The following TTC7A variants were observed in gnomAD, a reference collection of about 807,000 sequenced individuals.
TTC7A encodes the protein tetratricopeptide repeat protein 7A.
TTC7A carries 110 observed loss-of-function variants against 103.7 expected under a neutral mutation model. That is an observed-to-expected ratio of 1.06 (90% CI 0.91 to 1.24). The LOEUF (loss-of-function observed/expected upper bound fraction) is 1.24, where lower values mean the gene tolerates loss of function less well. Among genes scored for constraint, TTC7A ranks in the 50% most tolerant of loss-of-function variants. The pLI is 0.00. For synonymous variants in TTC7A, 521 were observed against 467.9 expected, an observed-to-expected ratio of 1.11 and a Z score of -1.47; for missense variants, 1,340 against 1,116.3, an observed-to-expected ratio of 1.20 and a Z score of -2.86.
At chr2:47,010,849 G>A (rs780878654) in intron 10 of TTC7A, among the ~76,000 whole-genome samples, 4 of 152,040 alleles carry the variant, frequency 2.6e-5, no homozygotes, top group Non-Finnish European at 4.4e-5. Context: ...ATGGACACAC[G>A]CCTCCACACC....
chr2:46,996,308 G>A (rs1057344526), intron 8 of TTC7A, among the ~76,000 whole-genome samples: 5 of 152,202 alleles, frequency 3.3e-5, no homozygotes, highest in African/African-American at 9.7e-5. Flanking sequence ...ATCAGAGCTG[G>A]TGAGCTGGGA....
At chr2:46,964,850 T>G (rs991692254) in intron 3 of TTC7A, among the ~76,000 whole-genome samples, 1 of 152,168 alleles carries the variant, frequency 6.6e-6, no homozygotes, top group Non-Finnish European at 1.5e-5. Context: ...CATTCTACCT[T>G]GAGCCTGGCA....
intron 15 of TTC7A, among the ~76,000 whole-genome samples, chr2:47,030,277 C>CAAAGGATTAGGAAA (rs1466720264): frequency 6.6e-6 from 1 of 152,208 alleles, no homozygotes; most frequent in Admixed American, 6.5e-5. Flanking sequence ...AACAGGTTCA[C>CAAAGGATTAGGAAA]AAAGGATTAG....
chr2:46,951,613 G>T, intron 2 of TTC7A: 1 of 455,568 alleles, frequency 2.2e-6, no homozygotes, highest in Non-Finnish European at 4.4e-6. Flanking sequence ...GTCTCGCTGT[G>T]TTACTCAGGC....
intron 15 of TTC7A, among the ~76,000 whole-genome samples, chr2:47,033,939 C>T (rs1017893224): frequency 4.6e-5 from 7 of 152,166 alleles, no homozygotes; most frequent in South Asian, 2.1e-4. Context: ...CACAAGAAGT[C>T]GCCACTCCCA....
At chr2:46,969,868 A>C (rs1016918903) in intron 3 of TTC7A, among the ~76,000 whole-genome samples, 5 of 152,144 alleles carry the variant, frequency 3.3e-5, no homozygotes, top group African/African-American at 1.2e-4. Context: ...ATGGGTAGAG[A>C]GGATGATGAC....
At chr2:46,971,713 T>C (rs1375503787) in intron 3 of TTC7A, among the ~76,000 whole-genome samples, 8 of 151,822 alleles carry the variant, frequency 5.3e-5, no homozygotes, top group Non-Finnish European at 1.5e-5. Flanking sequence ...TAGGTGGATG[T>C]TGGGGCTTAT....
intron 19 of TTC7A, among the ~76,000 whole-genome samples, chr2:47,062,512 T>TGA (rs1683873076): frequency 6.6e-6 from 1 of 152,204 alleles, no homozygotes; most frequent in Non-Finnish European, 1.5e-5. Context: ...ATTAGCTTCT[T>TGA]TGATAAATGC....
chr2:46,937,395 A>G (rs541780618), upstream of TTC7A, among the ~76,000 whole-genome samples: 90 of 152,234 alleles, frequency 5.9e-4, no homozygotes, highest in African/African-American at 2.0e-3. The surrounding 1 kb of genome is among the most constrained non-coding windows in gnomAD (Gnocchi z 4.0). Context: ...GAAAAAAAAA[A>G]TCTCTATGGT....
At chr2:46,922,411 T>C (rs2103807517) in intron 2 of TTC7A, among the ~76,000 whole-genome samples, 1 of 152,336 alleles carries the variant, frequency 6.6e-6, no homozygotes, top group Admixed American at 6.5e-5. Flanking sequence ...TGTTTGCTTC[T>C]ATCTGCCTGC....
In TTC7A at chr2:47,024,305, C is replaced by T. The variant is rs923163927; in HGVS notation, c.1587C>T (p.Pro529=). 1.1e-5 allele frequency: 17 copies of T among 1,607,638 alleles called. No homozygotes were observed. The highest frequency in any genetic ancestry group is 1.3e-5 in the African/African-American group (1 of 74,564). Residue 529 remains proline, a synonymous_variant, in exon 14 of 20, where the codon CCC becomes CCT. Transcript: ENST00000319190. The part of the protein sequence containing the change: ...QTLERAQQLA[P]SDPQVILYVS... Reference sequence around the variant, plus strand: ...CACACAGGGCTCAGCAGCTGGCGCCCAGTGACCCCCAGGTCATCCTCTATG... The same window carrying T: ...CACACAGGGCTCAGCAGCTGGCGCCTAGTGACCCCCAGGTCATCCTCTATG...
intron 15 of TTC7A, among the ~76,000 whole-genome samples, chr2:47,039,366 C>A (rs1681490003): frequency 6.6e-6 from 1 of 152,192 alleles, no homozygotes; most frequent in Non-Finnish European, 1.5e-5. Flanking sequence ...TCCGTGCAGC[C>A]AGCTCTGCTC....
chr2:47,021,731 T>A (rs1679305090), intron 11 of TTC7A, 131 bp from the exon 12 acceptor site: 4 of 740,398 alleles, frequency 5.4e-6, no homozygotes, highest in Non-Finnish European at 9.3e-6. Flanking sequence ...AAGGGAAGCT[T>A]CTCCCTGTGA....
chr2:47,035,034 C>T (rs960864841), intron 15 of TTC7A, among the ~76,000 whole-genome samples: 3 of 152,198 alleles, frequency 2.0e-5, no homozygotes, highest in Admixed American at 2.0e-4. Flanking sequence ...CTAAGGCTAA[C>T]GTTGGAGCTC....
intron 8 of TTC7A, among the ~76,000 whole-genome samples, chr2:46,997,387 A>G (rs1676314751): frequency 2.6e-5 from 4 of 152,134 alleles, no homozygotes; most frequent in Admixed American, 2.6e-4. Context: ...TTTCTCAGCT[A>G]GGGAGGTTCC....
At chr2:47,020,489 C>G (rs1039692513) in intron 11 of TTC7A, among the ~76,000 whole-genome samples, 2 of 152,300 alleles carry the variant, frequency 1.3e-5, no homozygotes, top group Admixed American at 1.3e-4. Context: ...AGACAGAAAC[C>G]CAGCTCCCCA....
chr2:46,953,823 T>C (rs551272953), intron 2 of TTC7A, among the ~76,000 whole-genome samples: 71 of 151,918 alleles, frequency 4.7e-4, no homozygotes, highest in African/African-American at 1.6e-3. Flanking sequence ...TTCTTTCTTT[T>C]TTTTTTTTTT....
intron 3 of TTC7A, among the ~76,000 whole-genome samples, chr2:46,965,287 T>C (rs1442010997): frequency 6.6e-6 from 1 of 152,226 alleles, no homozygotes; most frequent in Non-Finnish European, 1.5e-5. Flanking sequence ...TATGATAGCA[T>C]ACTTGGTTTT....
At chr2:46,934,626 T>C (rs888569057) in intron 2 of TTC7A, among the ~76,000 whole-genome samples, 5 of 151,744 alleles carry the variant, frequency 3.3e-5, no homozygotes, top group African/African-American at 4.8e-5. Flanking sequence ...TAAAACACTT[T>C]AAAAACCCTC....
Sources: allele counts gnomAD v4.1 joint callset (sites outside exome capture counted in the v4.1 genomes callset), GRCh38; gene constraint gnomAD v4.1.1; non-coding constraint Gnocchi (gnomAD v3.1); transcripts MANE v1.5; gene names NCBI Gene and HGNC (gene_info 2026-07-23, HGNC 2026-07-21).